Variants in LUZP2 observed in about 807,000 individuals in gnomAD.
LUZP2 encodes the protein leucine zipper protein 2.
In LUZP2, 52 loss-of-function variants were observed where a neutral mutation model predicts 51.6. That is an observed-to-expected ratio of 1.01 (90% confidence interval 0.81 to 1.27). The LOEUF is 1.27. Among genes scored for constraint, LUZP2 ranks in the 50% most tolerant of loss-of-function variants. The probability of loss-of-function intolerance (pLI) is 0.00; values close to 1 mark genes in which losing one functional copy is unlikely to be tolerated. For missense variants in LUZP2, 436 were observed against 395.4 expected (o/e 1.10, Z -0.87); for synonymous variants, 154 against 137.3 (o/e 1.12, Z -0.85).
At chr11:25,058,568 A>T (rs1420529557) in intron 10 of LUZP2, among the ~76,000 whole-genome samples, 1 of 152,198 alleles carries the variant, frequency 6.6e-6, no homozygotes, top group Non-Finnish European at 1.5e-5. Flanking sequence ...CTTTCATCAC[A>T]GTACACCTTG....
chr11:24,717,108 G>A (rs1032595879), intron 1 of LUZP2, among the ~76,000 whole-genome samples: 1 of 151,964 alleles, frequency 6.6e-6, no homozygotes, highest in African/African-American at 2.4e-5. Context: ...GAGATTTCAT[G>A]GAAGAAGTGA....
At chr11:24,954,517 C>T (rs904506061) in intron 7 of LUZP2, among the ~76,000 whole-genome samples, 4 of 152,018 alleles carry the variant, frequency 2.6e-5, no homozygotes, top group Non-Finnish European at 5.9e-5. Flanking sequence ...CAACACCATT[C>T]TGATGTTCCT....
Position 24,976,456 on chromosome 11 carries a change from T to C in LUZP2, c.523-135T>C, listed in dbSNP as rs1384731391. 14 of 499,608 alleles carry C rather than the reference T, an allele frequency of 2.8e-5. 1 individual carries two copies. The South Asian group carries it at 4.3e-4, about 15-fold the overall frequency. 30.9% of individuals were successfully genotyped at this position (499,608 alleles called of 1,614,324 possible). A position where few individuals can be genotyped will look rare whatever the true frequency, so the allele number is the denominator to read the frequency against. On this transcript the variant is annotated intron_variant, in intron 7 of 11. Transcript: ENST00000336930. ...TAGTATTTTTAAACTGAATTCTAAA[T>C]GAATCTTACAGGACACTGTTTTTTT...
chr11:24,875,675 C>T (rs1181999585), intron 5 of LUZP2, among the ~76,000 whole-genome samples: 1 of 150,032 alleles, frequency 6.7e-6, no homozygotes, highest in African/African-American at 2.4e-5. Flanking sequence ...GAGGAATCGC[C>T]ACACTGACTT....
chr11:24,544,328 G>C (rs138304469), intron 1 of LUZP2, among the ~76,000 whole-genome samples: 5 of 152,114 alleles, frequency 3.3e-5, no homozygotes, highest in Non-Finnish European at 7.4e-5. Context: ...GTGCAGGTTT[G>C]TTATATAGGT....
intron 10 of LUZP2, among the ~76,000 whole-genome samples, chr11:25,050,525 T>C (rs936210609): frequency 2.0e-5 from 3 of 152,062 alleles, no homozygotes; most frequent in Non-Finnish European, 4.4e-5. Flanking sequence ...AGGCTGGTCT[T>C]GATCGCCTGA....
intron 9 of LUZP2, among the ~76,000 whole-genome samples, chr11:25,017,809 G>C (rs539404429): frequency 5.3e-5 from 8 of 152,074 alleles, no homozygotes; most frequent in African/African-American, 1.9e-4. Flanking sequence ...TTTCCTAATC[G>C]TGTGAAAAAT....
chr11:24,924,262 G>C (rs1378108136), intron 7 of LUZP2, among the ~76,000 whole-genome samples: 1 of 152,016 alleles, frequency 6.6e-6, no homozygotes, highest in East Asian at 1.9e-4. Flanking sequence ...ATTTTTAGTA[G>C]AGATGGGGTT....
At chr11:24,822,248 A>G (rs1262778074) in intron 5 of LUZP2, among the ~76,000 whole-genome samples, 1 of 152,128 alleles carries the variant, frequency 6.6e-6, no homozygotes, top group Non-Finnish European at 1.5e-5. Flanking sequence ...TGATCTGCTA[A>G]TATTTATCAC....
At chr11:24,587,184 C>G (rs937461849) in intron 1 of LUZP2, among the ~76,000 whole-genome samples, 1 of 152,038 alleles carries the variant, frequency 6.6e-6, no homozygotes, top group Non-Finnish European at 1.5e-5. Context: ...TCTACTCAGG[C>G]TCAAATGTAT....
At chr11:24,602,214 A>ATG (rs1853725622) in intron 1 of LUZP2, among the ~76,000 whole-genome samples, 2 of 101,010 alleles carry the variant, frequency 2.0e-5, no homozygotes, top group African/African-American at 6.2e-5. Context: ...ATGTGTATAT[A>ATG]TGTATATATG....
chr11:25,025,453 A>C (rs1378331730), intron 9 of LUZP2, among the ~76,000 whole-genome samples: 2 of 152,180 alleles, frequency 1.3e-5, no homozygotes, highest in Non-Finnish European at 2.9e-5. Flanking sequence ...TTACAAGAAA[A>C]AATCAAACAA....
rs560550613 is a variant in LUZP2 at position 24,914,354 on chromosome 11, A to G, written c.460-122A>G. The G allele has an allele frequency of 5.2e-4, 369 of 708,232 alleles. 4 individuals are homozygous for G. The South Asian group carries it at 6.3e-3, about 12-fold the overall frequency. 43.9% of individuals were successfully genotyped at this position (708,232 alleles called of 1,614,324 possible). A position where few individuals can be genotyped will look rare whatever the true frequency, so the allele number is the denominator to read the frequency against. ...CTAAGGGTTTCTGCTTTACTTCTAA[A>G]CTGGTTGGACTGTGCTTTGCTTGGC... On this transcript the variant is annotated intron_variant, in intron 6 of 11. Transcript: ENST00000336930.
intron 1 of LUZP2, among the ~76,000 whole-genome samples, chr11:24,691,833 T>A (rs1326495140): frequency 6.6e-6 from 1 of 152,008 alleles, no homozygotes; most frequent in Non-Finnish European, 1.5e-5. Flanking sequence ...AGCTACCAAA[T>A]GGGACTCTTT....
At chr11:24,618,731 G>C (rs1244800818) in intron 1 of LUZP2, among the ~76,000 whole-genome samples, 1 of 152,080 alleles carries the variant, frequency 6.6e-6, no homozygotes, top group Non-Finnish European at 1.5e-5. Flanking sequence ...TCACCTTTCA[G>C]AGTTTTGTGT....
chr11:24,726,933 C>T (rs1465356365), intron 1 of LUZP2, among the ~76,000 whole-genome samples: 3 of 152,092 alleles, frequency 2.0e-5, no homozygotes, highest in Non-Finnish European at 4.4e-5. Context: ...TTTCCTCTTA[C>T]ATAAGGACCT....
At chr11:24,894,129 G>T (rs1852950709) in intron 5 of LUZP2, among the ~76,000 whole-genome samples, 1 of 151,342 alleles carries the variant, frequency 6.6e-6, no homozygotes, top group Non-Finnish European at 1.5e-5. Flanking sequence ...AATAGAATAT[G>T]CATGAATAAA....
intron 5 of LUZP2, among the ~76,000 whole-genome samples, chr11:24,834,275 G>A (rs779177621): frequency 1.8e-4 from 28 of 152,004 alleles, no homozygotes; most frequent in East Asian, 1.9e-4. Flanking sequence ...GCCCCAGGGT[G>A]TGTTGTTGCC....
intron 1 of LUZP2, among the ~76,000 whole-genome samples, chr11:24,534,147 T>C (rs990534117): frequency 6.6e-6 from 1 of 151,302 alleles, no homozygotes; most frequent in Non-Finnish European, 1.5e-5. Context: ...AGGCGAGTGT[T>C]GGAGTTTTAA....
Sources: allele counts gnomAD v4.1 joint callset (sites outside exome capture counted in the v4.1 genomes callset), GRCh38; gene constraint gnomAD v4.1.1; transcripts MANE v1.5; gene names NCBI Gene and HGNC (gene_info 2026-07-23, HGNC 2026-07-21).